LRRTM4: variants seen among roughly 807,000 people sequenced by gnomAD.
LRRTM4 encodes leucine rich repeat transmembrane neuronal 4, also known as leucine-rich repeat transmembrane neuronal protein 4.
In LRRTM4, 25 loss-of-function variants were observed where a neutral mutation model predicts 47.6. That is an observed-to-expected ratio of 0.53 (90% confidence interval 0.38 to 0.73). The LOEUF is 0.73. Ranked by LOEUF, LRRTM4 falls within the 30% of genes least tolerant of loss-of-function variation. The pLI is 0.00. For synonymous variants in LRRTM4, 311 were observed against 269.5 expected, an observed-to-expected ratio of 1.15 and a Z score of -1.51; for missense variants, 638 against 713.4, an observed-to-expected ratio of 0.89 and a Z score of 1.20.
rs113704883 is a variant in LRRTM4 at position 77,513,806 on chromosome 2, T to G, written c.1551+4512A>C. On this transcript the variant is annotated intron_variant, in intron 3 of 3. Transcript: ENST00000409884. ...GTCTAAAACTCTTGACCTCAAGTAATCCACCCACTTTGGCCTCCCAAATTA... is the reference window on the plus strand; with the variant it reads ...GTCTAAAACTCTTGACCTCAAGTAAGCCACCCACTTTGGCCTCCCAAATTA... 7.0e-3 allele frequency among the ~76,000 whole-genome samples: 1,070 copies of G among 152,104 alleles called. 16 individuals are homozygous for G. The highest frequency in any genetic ancestry group is 0.024 in the African/African-American group (997 of 41,508).
chr2:77,220,681 G>A (rs527942898), intron 3 of LRRTM4, among the ~76,000 whole-genome samples: 1 of 152,262 alleles, frequency 6.6e-6, no homozygotes, highest in South Asian at 2.1e-4. Context: ...AATCAACAAA[G>A]CCTCCAAGAA....
rs530377792 is a variant in LRRTM4 at position 77,495,107 on chromosome 2, C to G, written c.1551+23211G>C. Among the ~76,000 whole-genome samples the G allele has an allele frequency of 7.9e-5, 12 of 152,150 alleles. No homozygotes were observed. In the South Asian group the frequency reaches 2.3e-3, roughly 29 times the overall value. ...ATATTGCAAATAATGTCACTATGTT[C>G]TTTCATGCACAAGTCTTTGTATGGG... is the stretch of plus-strand genomic sequence containing the variant. On this transcript the variant is annotated intron_variant, in intron 3 of 3. Transcript: ENST00000409884.
intron 3 of LRRTM4, among the ~76,000 whole-genome samples, chr2:76,892,306 A>G (rs538510711): frequency 6.6e-6 from 1 of 151,792 alleles, no homozygotes; most frequent in South Asian, 2.1e-4. Flanking sequence ...ATTTTACAAG[A>G]TATTTGGCTA....
intron 3 of LRRTM4, among the ~76,000 whole-genome samples, chr2:77,357,286 G>T (rs1324813080): frequency 2.0e-5 from 3 of 152,062 alleles, no homozygotes; most frequent in Admixed American, 2.0e-4. Flanking sequence ...CTTACAAAAA[G>T]ATGTCATTAT....
intron 3 of LRRTM4, among the ~76,000 whole-genome samples, chr2:77,379,372 T>C (rs919084505): frequency 5.9e-5 from 9 of 152,228 alleles, no homozygotes; most frequent in African/African-American, 2.2e-4. Context: ...ATGATAAATA[T>C]TTGGCACGGC....
chr2:76,804,500 T>A (rs183074200), intron 3 of LRRTM4, among the ~76,000 whole-genome samples: 3 of 151,936 alleles, frequency 2.0e-5, no homozygotes, highest in African/African-American at 7.2e-5. Flanking sequence ...CCATATTCTG[T>A]CCTGATTTTT....
chr2:77,032,999 C>T (rs974482312), intron 3 of LRRTM4, among the ~76,000 whole-genome samples: 1 of 151,966 alleles, frequency 6.6e-6, no homozygotes, highest in Non-Finnish European at 1.5e-5. Flanking sequence ...TGTTTTAACT[C>T]CCAGTAGAAC....
At chr2:77,328,526 T>C (rs1012434301) in intron 3 of LRRTM4, among the ~76,000 whole-genome samples, 1 of 152,202 alleles carries the variant, frequency 6.6e-6, no homozygotes, top group Non-Finnish European at 1.5e-5. Flanking sequence ...CTTTCTTTCA[T>C]TGATTACAAC....
intron 3 of LRRTM4, among the ~76,000 whole-genome samples, chr2:77,018,202 T>C (rs941863957): frequency 6.6e-6 from 1 of 151,332 alleles, no homozygotes; most frequent in African/African-American, 2.4e-5. Context: ...AAATTTTTTT[T>C]GTTTTTTTTT....
chr2:76,750,730 A>G (rs1672823324), intron 3 of LRRTM4, among the ~76,000 whole-genome samples: 1 of 152,156 alleles, frequency 6.6e-6, no homozygotes, highest in Non-Finnish European at 1.5e-5. Flanking sequence ...AAATGCTCTT[A>G]AAACTAGCTC....
intron 3 of LRRTM4, among the ~76,000 whole-genome samples, chr2:76,801,871 CCATAAGATCATCTCAATAGATGCAGAAAT>C (rs1304368475): frequency 6.6e-6 from 1 of 152,026 alleles, no homozygotes; most frequent in Non-Finnish European, 1.5e-5. Context: ...AGGACAAACA[CCATAAGATCATCTCAATAGATGCAGAAAT>C]GCATTGGACA....
intron 3 of LRRTM4, among the ~76,000 whole-genome samples, chr2:77,091,550 T>A (rs2103887294): frequency 6.6e-6 from 1 of 150,432 alleles, no homozygotes; most frequent in South Asian, 2.1e-4. Context: ...GTCCACCCCG[T>A]GGTGCCAAAC....
At chr2:77,041,837 C>T (rs1679045007) in intron 3 of LRRTM4, among the ~76,000 whole-genome samples, 2 of 149,320 alleles carry the variant, frequency 1.3e-5, no homozygotes, top group South Asian at 2.1e-4. Flanking sequence ...TGGCAAAAAC[C>T]GCAATGACTT....
intron 3 of LRRTM4, among the ~76,000 whole-genome samples, chr2:77,121,356 A>G (rs1388401285): frequency 6.6e-6 from 1 of 151,856 alleles, no homozygotes; most frequent in Non-Finnish European, 1.5e-5. Flanking sequence ...ACAAGAACAT[A>G]GCATAATAAA....
intron 3 of LRRTM4, among the ~76,000 whole-genome samples, chr2:77,461,046 T>C (rs17040513): frequency 0.01 from 1,522 of 152,124 alleles, 32 homozygotes; most frequent in African/African-American, 0.035. Context: ...CCTTTTTAAT[T>C]AACTTTTTGA....
At chr2:77,011,092 T>G (rs76068299) in intron 3 of LRRTM4, among the ~76,000 whole-genome samples, 3,487 of 152,190 alleles carry the variant, frequency 0.023, 143 homozygotes, top group African/African-American at 0.08. Context: ...AAGAATATAA[T>G]GCAAGTCCCA....
intron 3 of LRRTM4, among the ~76,000 whole-genome samples, chr2:77,170,801 A>C (rs1673026659): frequency 6.6e-6 from 1 of 150,674 alleles, no homozygotes; most frequent in South Asian, 2.1e-4. Context: ...TTTCTATGTC[A>C]CTCAAAAAAA....
intron 3 of LRRTM4, among the ~76,000 whole-genome samples, chr2:77,145,267 C>T (rs1176499916): frequency 7.1e-6 from 1 of 141,744 alleles, no homozygotes; most frequent in Non-Finnish European, 1.6e-5. Context: ...TATATATATA[C>T]ACATATACAT....
intron 3 of LRRTM4, among the ~76,000 whole-genome samples, chr2:77,132,765 C>T (rs1558596624): frequency 6.6e-6 from 1 of 152,132 alleles, no homozygotes; most frequent in Non-Finnish European, 1.5e-5. Context: ...GTCCCCTCCT[C>T]TTAGTAATTT....
Sources: gnomAD v4.1 joint callset for allele counts (sites outside exome capture counted in the v4.1 genomes callset) on GRCh38, gnomAD v4.1.1 for gene constraint, MANE v1.5 for transcripts, NCBI Gene and HGNC (gene_info 2026-07-23, HGNC 2026-07-21) for gene names.